Variants in UBAP2 observed in about 807,000 individuals in gnomAD.
UBAP2 encodes ubiquitin associated protein 2, also known as ubiquitin-associated protein 2.
UBAP2 carries 75 observed loss-of-function variants against 139.6 expected under a neutral mutation model. The observed-to-expected ratio is 0.54, with a 90% CI of 0.45 to 0.65. The LOEUF is 0.65. Ranked by LOEUF, UBAP2 falls within the 30% of genes least tolerant of loss-of-function variation. The pLI is 0.00. For synonymous variants in UBAP2, 526 were observed against 526.2 expected (o/e 1.00, Z 0.01); for missense variants, 1,368 against 1,369.6 (o/e 1.00, Z 0.02).
intron 4 of UBAP2, among the ~76,000 whole-genome samples, chr9:33,991,672 T>C (rs1391210661): frequency 1.3e-5 from 2 of 152,236 alleles, no homozygotes; most frequent in Non-Finnish European, 2.9e-5. Flanking sequence ...ATAAAGCTTA[T>C]CTATGCCAGA....
At chr9:33,950,703 T>C (rs749312680) in intron 12 of UBAP2, among the ~76,000 whole-genome samples, 1 of 152,232 alleles carries the variant, frequency 6.6e-6, no homozygotes, top group African/African-American at 2.4e-5. Context: ...ATGACTCTCT[T>C]CATCCTGTTA....
At position 34,048,047 on chromosome 9, in the gene UBAP2, T is replaced by C. The variant is rs540758425; in HGVS notation, c.-42+778A>G. ...GCATTAGAGACCAGAGTGGTGACAGTTGAGATGCGTGGGCAACTAATTAGA... is the reference window on the plus strand; with the variant it reads ...GCATTAGAGACCAGAGTGGTGACAGCTGAGATGCGTGGGCAACTAATTAGA... On this transcript the variant is annotated intron_variant, in intron 1 of 28. Coordinates refer to ENST00000379238, the MANE Select transcript of UBAP2 (RefSeq NM_001370062.2). Among the ~76,000 whole-genome samples the C allele has an allele frequency of 3.9e-5, 6 of 152,186 alleles. No individual in the cohort carries two copies. The East Asian group carries it at 9.6e-4, about 24-fold the overall frequency.
At position 33,927,810 on chromosome 9, in the gene UBAP2, G is replaced by C. The variant is rs1031723249; in HGVS notation, c.2358C>G (p.Pro786=). ...SASSSSSRAA[P]LVTSGKAPPN... is the part of the protein sequence containing the mutation. ...TGGAGCAAATACCTGAGGTCACCAA[G>C]GGCGCGGCCCTGCTACTGCTGCTGG... The change falls in exon 20 of 29, where the codon CCC becomes CCG. Residue 786 remains proline (P), a synonymous_variant. Coordinates refer to ENST00000379238, the MANE Select transcript of UBAP2 (RefSeq NM_001370062.2). 2.5e-6 allele frequency: 4 copies of C among 1,611,758 alleles called. No homozygotes were observed. The African/African-American group carries it at 5.3e-5, about 22-fold the overall frequency.
At chr9:33,998,588 A>C (rs1822403910) in intron 3 of UBAP2, 199 bp downstream of exon 3, 2 of 519,676 alleles carry the variant, frequency 3.8e-6, no homozygotes, top group Non-Finnish European at 3.4e-6. Context: ...ATTGTAAGGC[A>C]GGTGAACGTA....
At chr9:34,039,701 C>G (rs1296463589) in intron 1 of UBAP2, among the ~76,000 whole-genome samples, 1 of 152,000 alleles carries the variant, frequency 6.6e-6, no homozygotes, top group Non-Finnish European at 1.5e-5. Context: ...GGGACACAAA[C>G]ACTGCAGAAG....
chr9:34,030,592 C>G (rs1825809269), intron 1 of UBAP2, among the ~76,000 whole-genome samples: 1 of 151,994 alleles, frequency 6.6e-6, no homozygotes, highest in South Asian at 2.1e-4. Flanking sequence ...CAGTGCACTC[C>G]TAGTACAGTG....
intron 1 of UBAP2, among the ~76,000 whole-genome samples, chr9:34,018,047 G>A (rs1473352810): frequency 6.6e-6 from 1 of 151,984 alleles, no homozygotes; most frequent in Non-Finnish European, 1.5e-5. Flanking sequence ...TCTAAGCTGG[G>A]CACGGTGGCA....
chr9:34,018,943 G>A (rs1054223700), intron 1 of UBAP2, among the ~76,000 whole-genome samples: 1 of 151,796 alleles, frequency 6.6e-6, no homozygotes, highest in African/African-American at 2.4e-5. Flanking sequence ...CCAAAAAGTG[G>A]AAGATACCCA....
Position 33,923,365 on chromosome 9 carries a change from G to A in UBAP2, c.2896+14C>T, listed in dbSNP as rs1429405422. On this transcript the variant is annotated intron_variant, in intron 25 of 28. Coordinates refer to ENST00000379238, the MANE Select transcript of UBAP2 (RefSeq NM_001370062.2). ...TCTAACCCCATGTGTCTCTGTCTGG[G>A]AAGTACCCCTCACCTGTACTGTAGC... is the stretch of plus-strand genomic sequence containing the variant. 6.2e-7 allele frequency: 1 copy of A among 1,613,912 alleles called. No individual in the cohort carries two copies. The highest frequency in any genetic ancestry group is 1.3e-5 in the African/African-American group (1 of 74,922).
chr9:34,031,360 G>C (rs1825873916), intron 1 of UBAP2, among the ~76,000 whole-genome samples: 1 of 152,022 alleles, frequency 6.6e-6, no homozygotes, highest in Non-Finnish European at 1.5e-5. Flanking sequence ...AGGCGTGGTG[G>C]CATGTGTCTG....
rs759571602 is a variant in UBAP2, at chr9:33,996,324, C to T, written c.187G>A (p.Val63Met). The T allele has an allele frequency of 3.7e-6, 6 of 1,612,526 alleles. No individual in the cohort carries two copies. Among genetic ancestry groups the T allele is most frequent in the Non-Finnish European group, 2.5e-6 (3 of 1,179,234 alleles). Residue 63 changes from valine to methionine, a missense_variant, in exon 4 of 29, where the codon GTG becomes ATG. Transcript: ENST00000379238. Reference sequence around the variant, plus strand: ...CATTCATCCTGATTTTTCCCTGTCACTTCCATAAGCTAGTGAACATATCAG... The same window carrying T: ...CATTCATCCTGATTTTTCCCTGTCATTTCCATAAGCTAGTGAACATATCAG... ...FEAKVKQLME[V>M]TGKNQDECIV...
chr9:34,019,527 G>A (rs999703074), intron 1 of UBAP2, among the ~76,000 whole-genome samples: 2 of 152,094 alleles, frequency 1.3e-5, no homozygotes, highest in African/African-American at 4.8e-5. Context: ...GGAAGAATGG[G>A]GAGTTACTGT....
intron 12 of UBAP2, among the ~76,000 whole-genome samples, chr9:33,951,761 A>G (rs1826125980): frequency 6.6e-6 from 1 of 152,200 alleles, no homozygotes; most frequent in Non-Finnish European, 1.5e-5. Flanking sequence ...TGGTCACTAC[A>G]TAAAGCAACA....
intron 2 of UBAP2, among the ~76,000 whole-genome samples, chr9:34,007,882 C>G (rs1311914649): frequency 6.6e-6 from 1 of 152,066 alleles, no homozygotes; most frequent in Non-Finnish European, 1.5e-5. Flanking sequence ...ACCTCATGAT[C>G]TGCCCGCCTC....
At chr9:33,970,898 G>A (rs1334180409) in intron 8 of UBAP2, among the ~76,000 whole-genome samples, 1 of 152,198 alleles carries the variant, frequency 6.6e-6, no homozygotes, top group Non-Finnish European at 1.5e-5. Context: ...CACCTCCTGG[G>A]TTCAAGCGAT....
intron 10 of UBAP2, among the ~76,000 whole-genome samples, chr9:33,960,032 A>G (rs1587566577): frequency 6.6e-6 from 1 of 152,096 alleles, no homozygotes; most frequent in African/African-American, 2.4e-5. Flanking sequence ...TGGGCTCAAG[A>G]GATCCTCCTG....
At chr9:34,035,096 A>G (rs961670772) in intron 1 of UBAP2, among the ~76,000 whole-genome samples, 4 of 152,068 alleles carry the variant, frequency 2.6e-5, no homozygotes, top group Non-Finnish European at 5.9e-5. Context: ...TCTGGTTTCC[A>G]TCACCCTATC....
intron 4 of UBAP2, 111 bp from the exon 5 acceptor site, chr9:33,989,237 C>G (rs1372117724): frequency 2.3e-6 from 3 of 1,285,626 alleles, no homozygotes; most frequent in Non-Finnish European, 2.0e-6. Context: ...GAGTCTCGCT[C>G]TGTCGCCCAG....
intron 8 of UBAP2, among the ~76,000 whole-genome samples, chr9:33,969,921 CTTTTTTTTTTTT>C (rs1173625005): frequency 2.4e-4 from 11 of 46,154 alleles, no homozygotes; most frequent in African/African-American, 7.1e-4. Flanking sequence ...GTGTATAATT[CTTTTTTTTTTTT>C]TTTTTTTTTT....
Sources: gnomAD v4.1 joint callset for allele counts (sites outside exome capture counted in the v4.1 genomes callset) on GRCh38, gnomAD v4.1.1 for gene constraint, MANE v1.5 for transcripts, NCBI Gene and HGNC (gene_info 2026-07-23, HGNC 2026-07-21) for gene names.